YWHAE: variants seen among roughly 807,000 people sequenced by gnomAD.
YWHAE encodes the protein tyrosine 3-monooxygenase/tryptophan 5-monooxygenase activation protein epsilon.
In YWHAE, 4 loss-of-function variants were observed where a neutral mutation model predicts 30.1. That is an observed-to-expected ratio of 0.13 (90% CI 0.07 to 0.30). The LOEUF is 0.30. Ranked by LOEUF, YWHAE falls within the 10% of genes least tolerant of loss-of-function variation. The probability of loss-of-function intolerance (pLI) is 1.00; values close to 1 mark genes in which losing one functional copy is unlikely to be tolerated. For synonymous variants in YWHAE, 118 were observed against 111.8 expected (o/e 1.06, Z -0.35); for missense variants, 121 against 315.9 (o/e 0.38, Z 4.68).
At chr17:1,399,947 G>T in intron 1 of YWHAE, 100 bp downstream of exon 1, 1 of 1,464,054 alleles carries the variant, frequency 6.8e-7, no homozygotes, top group Non-Finnish European at 9.6e-7. Context: ...CCCGGGCCAG[G>T]CTCGCAGACG....
At chr17:1,367,944 T>C (rs2072970145) in intron 1 of YWHAE, among the ~76,000 whole-genome samples, 1 of 152,086 alleles carries the variant, frequency 6.6e-6, no homozygotes, top group Non-Finnish European at 1.5e-5. Flanking sequence ...TAAATGCAAT[T>C]CTGAACCATT....
At chr17:1,398,335 C>CG (rs1043928654) in intron 1 of YWHAE, among the ~76,000 whole-genome samples, 4 of 4,004 alleles carry the variant, frequency 1.0e-3, no homozygotes, top group Non-Finnish European at 1.9e-3. Flanking sequence ...CCCATCTTAT[C>CG]CCCCCCCCCA....
At chr17:1,361,066 C>A (rs750361902) in intron 4 of YWHAE, 26 bp downstream of exon 4, 1 of 1,604,316 alleles carries the variant, frequency 6.2e-7, no homozygotes. Flanking sequence ...TCACGCTGAG[C>A]GCTGCTGTTC....
intron 1 of YWHAE, among the ~76,000 whole-genome samples, chr17:1,372,683 G>T (rs1335605742): frequency 6.6e-6 from 1 of 152,090 alleles, no homozygotes; most frequent in African/African-American, 2.4e-5. Context: ...ACACAAACAA[G>T]AGCTCACGCC....
intron 1 of YWHAE, among the ~76,000 whole-genome samples, chr17:1,393,728 C>G (rs1012299736): frequency 6.6e-6 from 1 of 152,174 alleles, no homozygotes; most frequent in Non-Finnish European, 1.5e-5. Context: ...CCGCGGAACC[C>G]GGCTGGGGCT....
chr17:1,379,674 C>G (rs2073175705), intron 1 of YWHAE, among the ~76,000 whole-genome samples: 2 of 152,116 alleles, frequency 1.3e-5, no homozygotes, highest in South Asian at 4.1e-4. Context: ...ATCACTAGTT[C>G]TACTCAATTA....
At chr17:1,364,543 T>A (rs960683686) in intron 2 of YWHAE, among the ~76,000 whole-genome samples, 4 of 151,986 alleles carry the variant, frequency 2.6e-5, no homozygotes, top group Middle Eastern at 3.2e-3. Context: ...CATATTTTTT[T>A]AAAAAACAGT....
At chr17:1,386,130 T>C (rs2073296983) in intron 1 of YWHAE, among the ~76,000 whole-genome samples, 1 of 152,038 alleles carries the variant, frequency 6.6e-6, no homozygotes, top group Non-Finnish European at 1.5e-5. Context: ...GGATAACAAG[T>C]GAAAGAAATA....
intron 4 of YWHAE, among the ~76,000 whole-genome samples, chr17:1,355,561 G>A (rs543177727): frequency 1.3e-5 from 2 of 152,024 alleles, no homozygotes; most frequent in South Asian, 2.1e-4. Context: ...CAACACAGAC[G>A]CCATGGAAAT....
intron 1 of YWHAE, among the ~76,000 whole-genome samples, chr17:1,389,438 A>G (rs2073356316): frequency 6.6e-6 from 1 of 152,168 alleles, no homozygotes; most frequent in African/African-American, 2.4e-5. Context: ...CTTTAGAATC[A>G]CATTTCACAA....
At chr17:1,363,509 C>T (rs2072894934) in intron 2 of YWHAE, among the ~76,000 whole-genome samples, 1 of 152,132 alleles carries the variant, frequency 6.6e-6, no homozygotes, top group South Asian at 2.1e-4. Flanking sequence ...CAGGTACCTG[C>T]CCGCCTTGGC....
intron 4 of YWHAE, among the ~76,000 whole-genome samples, chr17:1,355,164 T>G (rs1439679659): frequency 8.5e-5 from 3 of 35,238 alleles, no homozygotes; most frequent in Non-Finnish European, 1.7e-4. Context: ...TTTTTTTTTT[T>G]TTTTTTTTGG....
chr17:1,400,190 G>A lies in YWHAE; in HGVS notation c.-80C>T, dbSNP rs967093601. The A allele has an allele frequency of 6.4e-7, 1 of 1,559,532 alleles. No homozygotes were observed. The highest frequency in any genetic ancestry group is 8.8e-7 in the Non-Finnish European group (1 of 1,133,716). On this transcript the variant is annotated 5_prime_UTR_variant, in exon 1 of 6. In the 5' UTR this introduces an upstream ATG that the reference lacks. Transcript: ENST00000264335. ...CGACTCTCTCAGCCTCTCGCTCCGC[G>A]TCCGGGCAGCAAAAATGGCGGCGCC...
chr17:1,373,381 G>C (rs2073071201), intron 1 of YWHAE, among the ~76,000 whole-genome samples: 1 of 151,504 alleles, frequency 6.6e-6, no homozygotes, highest in African/African-American at 2.4e-5. Context: ...TGAAAAGTTT[G>C]AGGCCGGGCG....
At chr17:1,346,931 C>T (rs184305325) in intron 5 of YWHAE, among the ~76,000 whole-genome samples, 69 of 148,040 alleles carry the variant, frequency 4.7e-4, no homozygotes, top group Non-Finnish European at 2.7e-4. Flanking sequence ...ACGGAGGTTG[C>T]AGCGAGCCAA....
rs746397039 is a variant in YWHAE at position 1,361,921 on chromosome 17, T to C, written c.352A>G (p.Lys118Glu). Residue 118 changes from lysine to glutamate, a missense_variant, in exon 3 of 6, where the codon AAG becomes GAG. By Grantham distance (56) the Lys-to-Glu change is moderately conservative (BLOSUM62 1). Around this residue, in one of 2 missense-constraint regions of YWHAE, gnomAD observed 99 missense variants for 289.3 expected, o/e 0.34. Coordinates refer to ENST00000264335, the MANE Select transcript of YWHAE (RefSeq NM_006761.5). ...ACCTACATTTTATAATAGAAAACCT[T>C]GGACTCGCCAGTGTTAGCTGCTGGA... is the stretch of plus-strand genomic sequence containing the variant. ...LIPAANTGES[K>E]VFYYKMKGDY... 1 of 1,601,180 alleles carries C rather than the reference T, an allele frequency of 6.2e-7. No individual in the cohort carries two copies. Among genetic ancestry groups the C allele is most frequent in the Admixed American group, 1.8e-5 (1 of 56,292 alleles).
intron 1 of YWHAE, among the ~76,000 whole-genome samples, chr17:1,381,933 A>AAAAG (rs1491485583): frequency 9.7e-5 from 14 of 144,166 alleles, no homozygotes; most frequent in South Asian, 2.2e-4. Context: ...AAAAAAAAAA[A>AAAAG]GACAGGCAGA....
chr17:1,381,524 C>G (rs1007559236), intron 1 of YWHAE, among the ~76,000 whole-genome samples: 6 of 151,960 alleles, frequency 3.9e-5, no homozygotes, highest in African/African-American at 1.4e-4. Context: ...AATCAATAAA[C>G]TCAAAAAAAT....
At chr17:1,378,960 A>C (rs1292938869) in intron 1 of YWHAE, among the ~76,000 whole-genome samples, 1 of 152,106 alleles carries the variant, frequency 6.6e-6, no homozygotes, top group African/African-American at 2.4e-5. Flanking sequence ...AAAAAAAAAA[A>C]AAAAGAAATT....
Sources: gnomAD v4.1 joint callset for allele counts (sites outside exome capture counted in the v4.1 genomes callset) on GRCh38, gnomAD v4.1.1 for gene constraint, gnomAD v4.1.1 regional missense constraint, MANE v1.5 for transcripts, NCBI Gene and HGNC (gene_info 2026-07-23, HGNC 2026-07-21) for gene names.